TANGO6: variants seen among roughly 807,000 people sequenced by gnomAD.
TANGO6 encodes the protein transport and golgi organization 6 homolog.
A neutral mutation model predicts 114.2 loss-of-function variants in TANGO6; 90 were observed. That is an observed-to-expected ratio of 0.79 (90% CI 0.66 to 0.94). The LOEUF is 0.94. Ranked by LOEUF, TANGO6 falls within the 40% of genes least tolerant of loss-of-function variation. The pLI, the probability that TANGO6 is intolerant of heterozygous loss-of-function variation, is 0.00. For synonymous variants in TANGO6, 477 were observed against 509.8 expected, an observed-to-expected ratio of 0.94 and a Z score of 0.87; for missense variants, 1,274 against 1,315.3, an observed-to-expected ratio of 0.97 and a Z score of 0.49.
At chr16:68,864,284 G>C (rs1456866331) in intron 3 of TANGO6, among the ~76,000 whole-genome samples, 1 of 152,020 alleles carries the variant, frequency 6.6e-6, no homozygotes, top group African/African-American at 2.4e-5. Flanking sequence ...TGTAAAGAGT[G>C]AGGAGCCAGC....
chr16:68,984,038 GAA>G (rs1165109764), intron 15 of TANGO6, among the ~76,000 whole-genome samples: 7 of 73,260 alleles, frequency 9.6e-5, no homozygotes, highest in Admixed American at 1.5e-4. Context: ...GTCTCAAAAA[GAA>G]AAAAAAAAAA....
intron 14 of TANGO6, among the ~76,000 whole-genome samples, chr16:68,942,465 A>AAACC (rs1447516992): frequency 2.0e-4 from 30 of 152,208 alleles, no homozygotes; most frequent in Admixed American, 2.0e-3. Flanking sequence ...AGGTAAAGAA[A>AAACC]AACCTCTTAC....
At chr16:68,864,752 G>A (rs897735536) in intron 3 of TANGO6, among the ~76,000 whole-genome samples, 5 of 152,064 alleles carry the variant, frequency 3.3e-5, no homozygotes, top group South Asian at 4.1e-4. Flanking sequence ...TTCAACCCCC[G>A]TGTGCAGGTG....
rs373108162 is a variant in TANGO6 at position 68,851,090 on chromosome 16, T to G, written c.94+7379T>G. On this transcript the variant is annotated intron_variant, in intron 1 of 17. Coordinates refer to ENST00000261778, the MANE Select transcript of TANGO6 (RefSeq NM_024562.2). ...AAAGACATGCAAATAATCTGTGATTTCCTATTCATTCCCATTTTTACACAA... is the reference window on the plus strand; with the variant it reads ...AAAGACATGCAAATAATCTGTGATTGCCTATTCATTCCCATTTTTACACAA... Among the ~76,000 whole-genome samples the G allele has an allele frequency of 2.0e-5, 3 of 152,170 alleles. No individual in the cohort carries two copies. The East Asian group carries it at 5.8e-4, about 29-fold the overall frequency.
chr16:68,893,158 C>T (rs905952731), intron 7 of TANGO6, among the ~76,000 whole-genome samples: 3 of 152,004 alleles, frequency 2.0e-5, no homozygotes, highest in African/African-American at 7.3e-5. Flanking sequence ...ACTAGTCTCA[C>T]GTCTTAATGA....
At chr16:68,994,354 C>T (rs1444194197) in intron 15 of TANGO6, among the ~76,000 whole-genome samples, 1 of 152,014 alleles carries the variant, frequency 6.6e-6, no homozygotes. Context: ...TTTTTCAGTG[C>T]CCCTCACTTA....
At chr16:68,903,661 C>T (rs1165312545) in intron 9 of TANGO6, among the ~76,000 whole-genome samples, 2 of 149,572 alleles carry the variant, frequency 1.3e-5, no homozygotes, top group South Asian at 2.1e-4. Context: ...GTGGCTCACA[C>T]CTGTAATCCC....
At chr16:68,964,694 G>A (rs1000161035) in intron 14 of TANGO6, among the ~76,000 whole-genome samples, 2 of 151,036 alleles carry the variant, frequency 1.3e-5, no homozygotes, top group Non-Finnish European at 2.9e-5. Context: ...AGCCTCCCGA[G>A]TAGCTGGGAT....
intron 14 of TANGO6, among the ~76,000 whole-genome samples, chr16:68,955,038 A>G (rs1408157773): frequency 7.2e-5 from 11 of 152,240 alleles, no homozygotes. Flanking sequence ...ACTAGTACAG[A>G]TTGAAACAGA....
chr16:68,926,079 A>T lies in TANGO6; in HGVS notation c.2128-1489A>T, dbSNP rs201800447. The stretch of plus-strand genomic sequence containing the variant: ...GAAATTGTTATATAGAAGAGAAATT[A>T]AAAAAGAGGCCAAATAGACTGTAGG... On this transcript the variant is annotated intron_variant, in intron 12 of 17. Transcript: ENST00000261778. Among the ~76,000 whole-genome samples, 90 of 151,450 alleles carry T rather than the reference A, an allele frequency of 5.9e-4. 1 individual carries two copies. The highest frequency in any genetic ancestry group is 5.6e-3 in the East Asian group (29 of 5,182).
intron 16 of TANGO6, among the ~76,000 whole-genome samples, chr16:69,029,815 TAAG>T (rs1256098189): frequency 1.3e-5 from 2 of 151,924 alleles, no homozygotes; most frequent in East Asian, 1.9e-4. Flanking sequence ...ATCAAGGAAA[TAAG>T]AAGAACAGGC....
chr16:68,976,243 A>G (rs1414216987), intron 15 of TANGO6, among the ~76,000 whole-genome samples: 3 of 152,224 alleles, frequency 2.0e-5, no homozygotes, highest in Non-Finnish European at 4.4e-5. Flanking sequence ...CAGAATGAGG[A>G]TATTAATAAC....
At chr16:69,056,259 C>A (rs1348184527) in intron 17 of TANGO6, among the ~76,000 whole-genome samples, 1 of 152,124 alleles carries the variant, frequency 6.6e-6, no homozygotes, top group Non-Finnish European at 1.5e-5. Context: ...TCCTCTTCTG[C>A]ATCAGATTTA....
At chr16:68,846,212 G>C (rs960720520) in intron 1 of TANGO6, among the ~76,000 whole-genome samples, 1 of 151,894 alleles carries the variant, frequency 6.6e-6, no homozygotes, top group Admixed American at 6.6e-5. Flanking sequence ...TTTTAATAGA[G>C]ACGGCGTTTC....
At chr16:69,044,103 T>G (rs1441482932) in intron 17 of TANGO6, among the ~76,000 whole-genome samples, 1 of 152,192 alleles carries the variant, frequency 6.6e-6, no homozygotes, top group Non-Finnish European at 1.5e-5. Context: ...CTCACTCTGG[T>G]GCCCAGGCTG....
intron 17 of TANGO6, among the ~76,000 whole-genome samples, chr16:69,051,614 C>T (rs1038932878): frequency 6.6e-6 from 1 of 151,962 alleles, no homozygotes; most frequent in East Asian, 1.9e-4. Context: ...GGTCAGGAGG[C>T]AGAGGTTGCA....
chr16:68,982,654 T>C (rs1349243199), intron 15 of TANGO6, among the ~76,000 whole-genome samples: 1 of 142,970 alleles, frequency 7.0e-6, no homozygotes, highest in Admixed American at 7.0e-5. Flanking sequence ...TTTTTTTTTG[T>C]AGAGACAGGG....
chr16:68,907,183 A>G (rs897847806), intron 9 of TANGO6, among the ~76,000 whole-genome samples: 1 of 142,318 alleles, frequency 7.0e-6, no homozygotes, highest in Admixed American at 7.6e-5. Context: ...TCCTGACCTC[A>G]TTATCCTCCC....
intron 14 of TANGO6, among the ~76,000 whole-genome samples, chr16:68,938,731 G>C (rs1260721806): frequency 6.6e-6 from 1 of 152,108 alleles, no homozygotes; most frequent in Non-Finnish European, 1.5e-5. Context: ...GCTTATGTCA[G>C]TGACCTGGGC....
Sources: allele counts gnomAD v4.1 joint callset (sites outside exome capture counted in the v4.1 genomes callset), GRCh38; gene constraint gnomAD v4.1.1; transcripts MANE v1.5; gene names NCBI Gene and HGNC (gene_info 2026-07-23, HGNC 2026-07-21).